PIEZO2: variants seen among roughly 807,000 people sequenced by gnomAD.
PIEZO2 encodes piezo type mechanosensitive ion channel component 2.
In PIEZO2, 172 loss-of-function variants were observed where a neutral mutation model predicts 337.3. That is an observed-to-expected ratio of 0.51 (90% CI 0.45 to 0.58). The LOEUF (loss-of-function observed/expected upper bound fraction) is 0.58, where lower values mean the gene tolerates loss of function less well. PIEZO2 is among the 20% of genes least tolerant of loss of function. PIEZO2 has a pLI of 0.00. For synonymous variants in PIEZO2, 1,251 were observed against 1,228.5 expected, an observed-to-expected ratio of 1.02 and a Z score of -0.38; for missense variants, 3,028 against 3,391.3, an observed-to-expected ratio of 0.89 and a Z score of 2.66.
Position 10,877,029 on chromosome 18 carries a change from C to T in PIEZO2, c.330-5614G>A, listed in dbSNP as rs1409201140. On this transcript the variant is annotated intron_variant, in intron 4 of 55. Transcript: ENST00000674853. The surrounding 1 kb of genome is among the most constrained non-coding windows in gnomAD (Gnocchi z 5.3). ...ACACTCTCTTCTAATTCTCTACCTA[C>T]CTATGAATATCCATGAAAACTCATG... is the stretch of plus-strand genomic sequence containing the variant. 3.9e-5 allele frequency among the ~76,000 whole-genome samples: 6 copies of T among 152,202 alleles called. No individual in the cohort carries two copies. The highest frequency in any genetic ancestry group is 1.4e-4 in the African/African-American group (6 of 41,440).
chr18:10,916,803 T>C (rs1049158444), intron 3 of PIEZO2, among the ~76,000 whole-genome samples: 3 of 152,210 alleles, frequency 2.0e-5, no homozygotes, highest in Non-Finnish European at 4.4e-5. Flanking sequence ...GCACCAAGAA[T>C]GAGCGATGGC....
Position 10,750,558 on chromosome 18 carries a change from C to T in PIEZO2, c.4168-371G>A, listed in dbSNP as rs1303156313. On this transcript the variant is annotated intron_variant, in intron 28 of 55. Coordinates refer to ENST00000674853, the MANE Select transcript of PIEZO2 (RefSeq NM_001378183.1). This position sits in a 1 kb window ranked among gnomAD's most constrained non-coding sequence, Gnocchi z 4.1. ...TAGAGTTATTTTCTTACAAGCCAGA[C>T]ACATATAACCTATGCTCTTCCCTGG... Among the ~76,000 whole-genome samples, 2 of 152,184 alleles carry T rather than the reference C, an allele frequency of 1.3e-5. No homozygotes were observed. Among genetic ancestry groups the T allele is most frequent in the East Asian group, 1.9e-4 (1 of 5,188 alleles).
chr18:10,956,739 G>T (rs1206980235), intron 3 of PIEZO2, among the ~76,000 whole-genome samples: 2 of 152,172 alleles, frequency 1.3e-5, no homozygotes. Context: ...GGGAGGCCGA[G>T]GCGAGTGGAT....
chr18:10,789,027 T>C (rs1031183475), intron 15 of PIEZO2, 52 bp downstream of exon 15: 1 of 1,483,938 alleles, frequency 6.7e-7, no homozygotes. Flanking sequence ...AGGTAGCTCA[T>C]GTATACTCCT....
Position 10,773,560 on chromosome 18 carries a change from C to T in PIEZO2, c.2637G>A (p.Pro879=), listed in dbSNP as rs541240851. The part of the protein sequence containing the change: ...MMHLTASLEK[P]EVRKLAEPGE... ...CAGGCTCAGCCAACTTCCTCACCTC[C>T]GGCTTCTCCAGGCTGGCAGTCAGAT... Residue 879 remains proline (P), a synonymous_variant, in exon 20 of 56, where the codon CCG becomes CCA. Coordinates refer to ENST00000674853, the MANE Select transcript of PIEZO2 (RefSeq NM_001378183.1). The surrounding 1 kb of genome is among the most constrained non-coding windows in gnomAD (Gnocchi z 5.3). 2.0e-5 allele frequency: 31 copies of T among 1,537,480 alleles called. No individual in the cohort carries two copies. Among genetic ancestry groups the T allele is most frequent in the Admixed American group, 5.9e-5 (3 of 51,006 alleles).
At chr18:11,079,339 T>C (rs576119793) in intron 1 of PIEZO2, among the ~76,000 whole-genome samples, 1 of 152,322 alleles carries the variant, frequency 6.6e-6, no homozygotes, top group Non-Finnish European at 1.5e-5. Flanking sequence ...TAAGTCAAAA[T>C]TCCATAGAGG....
chr18:10,693,050 C>A (rs538411731), intron 47 of PIEZO2, among the ~76,000 whole-genome samples: 3 of 152,198 alleles, frequency 2.0e-5, no homozygotes, highest in African/African-American at 7.2e-5. Context: ...TTTAATTTCT[C>A]TCAGCCATGC....
intron 2 of PIEZO2, among the ~76,000 whole-genome samples, chr18:11,022,116 G>A (rs1396362408): frequency 6.6e-6 from 1 of 152,152 alleles, no homozygotes; most frequent in Non-Finnish European, 1.5e-5. Context: ...ACGAGAGGTA[G>A]GGGTATAGTG....
In PIEZO2 at chr18:10,912,858, G is replaced by A. The variant is rs892928638; in HGVS notation, c.287-1630C>T. On this transcript the variant is annotated intron_variant, in intron 3 of 55. Coordinates refer to ENST00000674853, the MANE Select transcript of PIEZO2 (RefSeq NM_001378183.1). ...GATAAATAATAAATGACTAAATTTC[G>A]GATGTGGATTAGACACACAAACACA... Among the ~76,000 whole-genome samples the A allele has an allele frequency of 5.3e-5, 8 of 152,058 alleles. No individual in the cohort carries two copies. In the South Asian group the frequency reaches 1.0e-3, roughly 20 times the overall value.
At chr18:10,934,769 C>T (rs915422199) in intron 3 of PIEZO2, among the ~76,000 whole-genome samples, 1 of 151,788 alleles carries the variant, frequency 6.6e-6, no homozygotes, top group African/African-American at 2.4e-5. Context: ...GTTCTTCACT[C>T]CTCTTGAGAC....
intron 36 of PIEZO2, among the ~76,000 whole-genome samples, chr18:10,720,409 GTATGTGTATGTA>G (rs2036247603): frequency 1.1e-3 from 19 of 17,930 alleles, no homozygotes; most frequent in African/African-American, 2.7e-3. Context: ...GTGTGTATGT[GTATGTGTATGTA>G]TATATATATA....
chr18:10,772,106 G>C (rs1044203201), intron 20 of PIEZO2, among the ~76,000 whole-genome samples: 2 of 152,198 alleles, frequency 1.3e-5, no homozygotes, highest in African/African-American at 4.8e-5. Context: ...TCTAAGGTAA[G>C]AACAACTCTT....
intron 3 of PIEZO2, among the ~76,000 whole-genome samples, chr18:10,951,306 G>A (rs550569394): frequency 6.6e-6 from 1 of 152,108 alleles, no homozygotes; most frequent in Non-Finnish European, 1.5e-5. Context: ...AAGACCATCT[G>A]GTCTGTGACT....
chr18:10,936,631 T>G (rs2032415586), intron 3 of PIEZO2, among the ~76,000 whole-genome samples: 1 of 152,244 alleles, frequency 6.6e-6, no homozygotes, highest in South Asian at 2.1e-4. Flanking sequence ...CTGCCAAAAC[T>G]AAAAGGCCTG....
chr18:11,034,258 G>T lies in PIEZO2; in HGVS notation c.160+31869C>A, dbSNP rs1463947710. ...TATTAAAAAATGGGTGAGAAGGAGG[G>T]AAGTCTATTTACTGATTAAATGTAT... On this transcript the variant is annotated intron_variant, in intron 2 of 55. Transcript: ENST00000674853. Among the ~76,000 whole-genome samples the T allele has an allele frequency of 2.0e-5, 3 of 151,956 alleles. No individual in the cohort carries two copies. The East Asian group carries it at 5.8e-4, about 29-fold the overall frequency.
At chr18:10,880,631 T>C (rs2042384323) in intron 4 of PIEZO2, among the ~76,000 whole-genome samples, 1 of 151,906 alleles carries the variant, frequency 6.6e-6, no homozygotes, top group Admixed American at 6.6e-5. Context: ...ATGAGCATTG[T>C]TTAAACAAAT....
chr18:10,812,876 C>A (rs575415935), intron 7 of PIEZO2, among the ~76,000 whole-genome samples: 1 of 152,272 alleles, frequency 6.6e-6, no homozygotes, highest in African/African-American at 2.4e-5. Context: ...TCTGGTAATA[C>A]AGGATCCCAG....
chr18:10,803,919 G>A lies in PIEZO2; in HGVS notation c.1156C>T (p.Arg386Trp), dbSNP rs536250412. 2.0e-4 allele frequency: 311 copies of A among 1,537,246 alleles called. 3 individuals carry two copies. In the South Asian group the frequency reaches 3.4e-3, roughly 17 times the overall value. Residue 386 changes from arginine to tryptophan, a missense_variant, in exon 9 of 56, where the codon CGG (arginine) becomes TGG (tryptophan). By Grantham distance (101) the Arg-to-Trp change is moderately radical. This residue lies in a region of PIEZO2 where 542 missense variants were observed against 605.6 expected (regional missense o/e 0.89). Transcript: ENST00000674853. ...TAATGGGTTGCGTACCACAGGCTCCGCCTCCTCCCCGCTGTTATTTGGATG... is the reference window on the plus strand; with the variant it reads ...TAATGGGTTGCGTACCACAGGCTCCACCTCCTCCCCGCTGTTATTTGGATG... ...SPIQITAGRRRSLWYATHYPT... is the reference protein window; with the variant it reads ...SPIQITAGRRWSLWYATHYPT...
chr18:10,759,920 A>T lies in PIEZO2; in HGVS notation c.3451-11T>A. The T allele has an allele frequency of 6.5e-7, 1 of 1,532,994 alleles. No individual in the cohort carries two copies. The highest frequency in any genetic ancestry group is 8.7e-7 in the Non-Finnish European group (1 of 1,143,328). 95.0% of individuals were successfully genotyped at this position (1,532,994 alleles called of 1,614,324 possible). On this transcript the variant is annotated splice_polypyrimidine_tract_variant and intron_variant, in intron 24 of 55. Transcript: ENST00000674853. This position sits in a 1 kb window ranked among gnomAD's most constrained non-coding sequence, Gnocchi z 5.5. The stretch of plus-strand genomic sequence containing the variant: ...CATTAGGAAACAGGTCTGTGTAAAG[A>T]TGAAAAGAGGCAAAAAAAAAAAATC...
Sources: allele counts gnomAD v4.1 joint callset (sites outside exome capture counted in the v4.1 genomes callset), GRCh38; gene constraint gnomAD v4.1.1; regional missense constraint gnomAD v4.1.1; non-coding constraint Gnocchi (gnomAD v3.1); transcripts MANE v1.5; gene names NCBI Gene and HGNC (gene_info 2026-07-23, HGNC 2026-07-21).